The following ZNF718 variants were observed in gnomAD, a reference collection of about 807,000 sequenced individuals.
ZNF718 encodes zinc finger protein 718.
A neutral mutation model predicts 2.6 loss-of-function variants in ZNF718; 3 were observed. The observed-to-expected ratio is 1.16, with a 90% confidence interval of 0.53 to 3.01. The LOEUF is 3.01. ZNF718 is among the 30% of genes most tolerant of loss of function. ZNF718 has a pLI of 0.03. For synonymous variants in ZNF718, 135 were observed against 77.9 expected (o/e 1.73, Z -3.86); for missense variants, 468 against 230.0 (o/e 2.03, Z -6.69).
rs1170677615 is a variant in ZNF718 at position 126,473 on chromosome 4, A to G, written c.3+1800A>G. ...CTATTGCTTTGAAATGTGAATAGCA[A>G]GAATATATCCCACAGTTTCTGTAGG... On this transcript the variant is annotated intron_variant, in intron 1 of 3. Coordinates refer to ENST00000510175, the MANE Select transcript of ZNF718 (RefSeq NM_001039127.6). 1.3e-5 allele frequency among the ~76,000 whole-genome samples: 2 copies of G among 152,228 alleles called. 1 individual carries two copies. The highest frequency in any genetic ancestry group is 2.9e-5 in the Non-Finnish European group (2 of 68,036).
chr4:171,939 G>A (rs1366365594), intron 3 of ZNF718, among the ~76,000 whole-genome samples: 1 of 152,190 alleles, frequency 6.6e-6, no homozygotes, highest in African/African-American at 2.4e-5. Context: ...CGTCGCTCAC[G>A]CTGGGAGCTG....
At chr4:157,120 T>C (rs1164912889) in intron 3 of ZNF718, among the ~76,000 whole-genome samples, 1 of 144,236 alleles carries the variant, frequency 6.9e-6, no homozygotes, top group Non-Finnish European at 1.5e-5. Context: ...TTTTTTTTTT[T>C]TTTTTTTTTT....
At chr4:200,458 A>G (rs1318816251) in intron 3 of ZNF718, among the ~76,000 whole-genome samples, 2 of 152,200 alleles carry the variant, frequency 1.3e-5, no homozygotes, top group South Asian at 2.1e-4. Context: ...TAGTAGAGAC[A>G]GGGTTTCACC....
downstream of ZNF718, among the ~76,000 whole-genome samples, chr4:164,925 G>A (rs1177990010): frequency 4.6e-5 from 7 of 152,058 alleles, no homozygotes; most frequent in Non-Finnish European, 8.8e-5. Context: ...TTATTTGTAG[G>A]TCCAAGTAAG....
rs1553814809 is a variant in ZNF718 at position 160,997 on chromosome 4, G to A, written c.312G>A (p.Glu104=). Residue 104 remains glutamate, a synonymous_variant, in exon 4 of 4, where the codon GAG becomes GAA. Transcript: ENST00000510175. ...SFHKLIPKGH[E]KRGHENLRKT... ...ACAAACTTATACCAAAAGGACATGA[G>A]AAACGTGGACATGAGAATTTAAGAA... is the stretch of plus-strand genomic sequence containing the variant. The A allele has an allele frequency of 2.6e-6, 2 of 780,898 alleles. No individual in the cohort carries two copies. Among genetic ancestry groups the A allele is most frequent in the East Asian group, 2.4e-5 (1 of 41,244 alleles). 48.4% of individuals were successfully genotyped at this position (780,898 alleles called of 1,614,324 possible).
At chr4:136,387 T>A in intron 3 of ZNF718, 1 of 520,346 alleles carries the variant, frequency 1.9e-6, no homozygotes, top group Non-Finnish European at 3.8e-6. Flanking sequence ...TGGCTGGGTG[T>A]GTCTCCTTGC....
intron 3 of ZNF718, among the ~76,000 whole-genome samples, chr4:137,884 C>G (rs1195836557): frequency 6.6e-6 from 1 of 152,052 alleles, no homozygotes; most frequent in Non-Finnish European, 1.5e-5. Context: ...AAAACATTGC[C>G]AAGACCAATG....
downstream of ZNF718, among the ~76,000 whole-genome samples, chr4:166,725 G>C (rs990762756): frequency 6.6e-6 from 1 of 151,890 alleles, no homozygotes; most frequent in Non-Finnish European, 1.5e-5. Context: ...AAATTTGTTT[G>C]AGTTCTTTGT....
rs61794961 is a variant in ZNF718, at chr4:162,303, G to C, written c.*181G>C. The C allele has an allele frequency of 0.066, 31,910 of 482,176 alleles. 1,673 individuals are homozygous for C. The highest frequency in any genetic ancestry group is 0.13 in the Admixed American group (3,627 of 27,606). The allele number at this position is 482,176 out of a possible 1,614,324, so 29.9% of individuals were successfully genotyped here. On this transcript the variant is annotated 3_prime_UTR_variant, in exon 4 of 4. Coordinates refer to ENST00000510175, the MANE Select transcript of ZNF718 (RefSeq NM_001039127.6). ...ATAAAAATATGAAAAATGTGGAAAA[G>C]CCTTCAAATGCTTGTCACATATTAC... is the stretch of plus-strand genomic sequence containing the variant.
At chr4:178,007 C>T (rs1262666804) in intron 3 of ZNF718, among the ~76,000 whole-genome samples, 1 of 152,114 alleles carries the variant, frequency 6.6e-6, no homozygotes, top group Non-Finnish European at 1.5e-5. Context: ...TACCCTGAAA[C>T]ACCCCTTAAG....
intron 3 of ZNF718, among the ~76,000 whole-genome samples, chr4:135,859 A>C: frequency 6.6e-6 from 1 of 151,536 alleles, no homozygotes; most frequent in East Asian, 1.9e-4. Flanking sequence ...TAATATGTTA[A>C]GATAGAAGCT....
chr4:164,963 T>C (rs996945901), downstream of ZNF718, among the ~76,000 whole-genome samples: 39 of 152,090 alleles, frequency 2.6e-4, no homozygotes, highest in African/African-American at 8.2e-4. Flanking sequence ...GGTGAAGAAA[T>C]GGTATTAATT....
intron 3 of ZNF718, among the ~76,000 whole-genome samples, chr4:145,694 G>C (rs1016546772): frequency 2.6e-5 from 4 of 152,080 alleles, no homozygotes; most frequent in African/African-American, 7.2e-5. Flanking sequence ...CTGGGTTCAA[G>C]CACTCCACCT....
chr4:140,121 A>G (rs917025685), intron 3 of ZNF718, among the ~76,000 whole-genome samples: 1 of 152,050 alleles, frequency 6.6e-6, no homozygotes, highest in African/African-American at 2.4e-5. Context: ...CTTATGCTAA[A>G]TTCTTCCCTT....
Position 131,015 on chromosome 4 carries a change from TTTCAGTTCC to T in ZNF718, c.130+106_130+114del, listed in dbSNP as rs1472373544. On this transcript the variant is annotated intron_variant, in intron 2 of 3. Transcript: ENST00000510175. ...AGAGCTTCTGCTTTGCATGAATTAA[TTTCAGTTCC>T]TTCACGAAAAAGTTGGGAGTTTGGT... The T allele has an allele frequency of 1.3e-4, 29 of 230,218 alleles. 8 individuals are homozygous for T. The highest frequency in any genetic ancestry group is 7.2e-4 in the African/African-American group (25 of 34,560). The allele number at this position is 230,218 out of a possible 1,614,324, so 14.3% of individuals were successfully genotyped here. A position where few individuals can be genotyped will look rare whatever the true frequency, so the allele number is the denominator to read the frequency against.
At chr4:170,941 GT>G (rs1717211505) in intron 3 of ZNF718, among the ~76,000 whole-genome samples, 1 of 152,120 alleles carries the variant, frequency 6.6e-6, no homozygotes, top group East Asian at 1.9e-4. Context: ...AGAGTTTCCA[GT>G]TTTTCTGCTC....
At chr4:187,116 G>C (rs1553820557) in intron 3 of ZNF718, among the ~76,000 whole-genome samples, 1 of 152,012 alleles carries the variant, frequency 6.6e-6, no homozygotes, top group Non-Finnish European at 1.5e-5. Context: ...TTGTCTGTTT[G>C]TTTTTCTTTT....
At chr4:146,000 A>G (rs1477291713) in intron 3 of ZNF718, among the ~76,000 whole-genome samples, 3 of 151,636 alleles carry the variant, frequency 2.0e-5, no homozygotes, top group Admixed American at 1.3e-4. Context: ...CTGAAGCTAT[A>G]TGTGTTTTAA....
At chr4:170,842 C>T (rs1216181635) in intron 3 of ZNF718, among the ~76,000 whole-genome samples, 2 of 152,164 alleles carry the variant, frequency 1.3e-5, no homozygotes, top group African/African-American at 4.8e-5. Flanking sequence ...CTTCTTGTCT[C>T]AACTCATCAA....
Sources: allele counts gnomAD v4.1 joint callset (sites outside exome capture counted in the v4.1 genomes callset), GRCh38; gene constraint gnomAD v4.1.1; transcripts MANE v1.5; gene names NCBI Gene and HGNC (gene_info 2026-07-23, HGNC 2026-07-21).